CEP89: variants seen among roughly 807,000 people sequenced by gnomAD.
CEP89 encodes centrosomal protein of 89 kDa.
Under a neutral mutation model 97.6 loss-of-function variants are expected in CEP89, and 95 were observed. The ratio of observed to expected loss-of-function variants is 0.97; its 90% confidence interval spans 0.82 to 1.15. The LOEUF (loss-of-function observed/expected upper bound fraction) is 1.15. Among genes scored for constraint, CEP89 ranks in the 50% most tolerant of loss-of-function variants. CEP89 has a pLI of 0.00. For synonymous variants in CEP89, 354 were observed against 349.1 expected, an observed-to-expected ratio of 1.01 and a Z score of -0.16; for missense variants, 869 against 947.7, an observed-to-expected ratio of 0.92 and a Z score of 1.09.
intron 15 of CEP89, 38 bp downstream of exon 15, chr19:32,901,207 G>A: frequency 6.3e-7 from 1 of 1,595,126 alleles, no homozygotes; most frequent in South Asian, 1.1e-5. Flanking sequence ...TTTAACTATT[G>A]AAAATAAAAG....
chr19:32,939,345 T>C (rs1405115990), intron 6 of CEP89, among the ~76,000 whole-genome samples: 1 of 152,158 alleles, frequency 6.6e-6, no homozygotes. Flanking sequence ...ATTACTTTCA[T>C]CATTAAACTA....
intron 8 of CEP89, among the ~76,000 whole-genome samples, chr19:32,932,120 G>A (rs867709269): frequency 1.3e-5 from 2 of 151,312 alleles, no homozygotes; most frequent in South Asian, 2.1e-4. Flanking sequence ...GGTGGAGCTC[G>A]CAGTGAGCCG....
intron 5 of CEP89, among the ~76,000 whole-genome samples, chr19:32,943,441 C>T (rs1239037031): frequency 6.6e-6 from 1 of 152,172 alleles, no homozygotes; most frequent in African/African-American, 2.4e-5. Flanking sequence ...CCATGGTTAT[C>T]AACTGGGTAT....
At position 32,923,339 on chromosome 19, in the gene CEP89, T is replaced by C. The variant is rs1020632390; in HGVS notation, c.1268+100A>G. The C allele has an allele frequency of 1.0e-4, 60 of 583,626 alleles. 2 individuals are homozygous for C. The South Asian group carries it at 1.6e-3, about 16-fold the overall frequency. The allele number at this position is 583,626 out of a possible 1,614,324, so 36.2% of individuals were successfully genotyped here. A position where few individuals can be genotyped will look rare whatever the true frequency, so the allele number is the denominator to read the frequency against. The stretch of plus-strand genomic sequence containing the variant: ...TTAGAAACTCTCCCGTAAAATATTT[T>C]AGTTAAGAATGTAATTATGTATTTG... On this transcript the variant is annotated intron_variant, in intron 12 of 18. Coordinates refer to ENST00000305768, the MANE Select transcript of CEP89 (RefSeq NM_032816.5).
chr19:32,927,971 AGTG>A (rs1970397824), intron 9 of CEP89, among the ~76,000 whole-genome samples: 1 of 141,128 alleles, frequency 7.1e-6, no homozygotes, highest in Admixed American at 7.6e-5. Context: ...GCTGGAGTAC[AGTG>A]GTATGATCTC....
At chr19:32,961,414 C>CAA (rs5827831) in intron 2 of CEP89, among the ~76,000 whole-genome samples, 58 of 133,980 alleles carry the variant, frequency 4.3e-4, no homozygotes, top group East Asian at 8.7e-4. Flanking sequence ...ACCAAAAATA[C>CAA]AAAAAAAAAA....
chr19:32,915,578 G>T (rs7260149), intron 13 of CEP89, 61 bp from the exon 14 acceptor site: 1,235,601 of 1,415,310 alleles, frequency 0.87, 540,514 homozygotes, highest in African/African-American at 0.98. Context: ...ACACAATTAT[G>T]GGCTATTAGG....
intron 2 of CEP89, chr19:32,963,414 G>A (rs1239332537): frequency 6.6e-6 from 1 of 152,058 alleles, no homozygotes. Flanking sequence ...TGAAATACTA[G>A]TACACGCTCA....
intron 16 of CEP89, among the ~76,000 whole-genome samples, chr19:32,892,091 A>AATATAT (rs143314876): frequency 7.2e-6 from 1 of 139,084 alleles, no homozygotes; most frequent in Non-Finnish European, 1.5e-5. Flanking sequence ...CAGAATTCTA[A>AATATAT]ATATATATAT....
At chr19:32,919,953 G>C (rs1339374572) in intron 12 of CEP89, among the ~76,000 whole-genome samples, 2 of 151,900 alleles carry the variant, frequency 1.3e-5, no homozygotes, top group South Asian at 2.1e-4. Context: ...GCCGCATTTT[G>C]GACTAATTTA....
intron 3 of CEP89, among the ~76,000 whole-genome samples, chr19:32,955,192 G>C (rs533588860): frequency 1.3e-5 from 2 of 151,796 alleles, no homozygotes; most frequent in Non-Finnish European, 2.9e-5. Flanking sequence ...AGTAGAGAAG[G>C]GGTTTCACCA....
intron 12 of CEP89, among the ~76,000 whole-genome samples, chr19:32,919,435 G>C (rs1473587455): frequency 1.3e-5 from 2 of 152,206 alleles, no homozygotes; most frequent in African/African-American, 4.8e-5. Context: ...CTACAGGTGA[G>C]GAGGAGGAAG....
intron 14 of CEP89, among the ~76,000 whole-genome samples, chr19:32,905,993 C>G (rs542541895): frequency 6.6e-6 from 1 of 152,324 alleles, no homozygotes; most frequent in East Asian, 1.9e-4. Context: ...TTTACCTTAA[C>G]ATCTACCTTG....
intron 3 of CEP89, among the ~76,000 whole-genome samples, chr19:32,957,687 G>GC (rs1971077546): frequency 6.6e-6 from 1 of 152,096 alleles, no homozygotes; most frequent in East Asian, 1.9e-4. Flanking sequence ...GCGCACAACT[G>GC]TAGTCCCAGC....
chr19:32,961,028 G>A (rs1041730719), intron 2 of CEP89, among the ~76,000 whole-genome samples: 14 of 152,112 alleles, frequency 9.2e-5, no homozygotes, highest in Admixed American at 5.9e-4. Flanking sequence ...TAGTTTCAGC[G>A]GGATACAGTG....
intron 7 of CEP89, among the ~76,000 whole-genome samples, chr19:32,935,547 C>T (rs774580369): frequency 3.3e-5 from 5 of 152,194 alleles, no homozygotes; most frequent in African/African-American, 4.8e-5. Context: ...GAATGCATGG[C>T]GCAGAAGTTG....
intron 16 of CEP89, among the ~76,000 whole-genome samples, chr19:32,894,919 T>C (rs948626850): frequency 6.6e-6 from 1 of 152,294 alleles, no homozygotes; most frequent in Admixed American, 6.5e-5. Context: ...ACTACCAAGA[T>C]TGAATTAGGA....
intron 17 of CEP89, among the ~76,000 whole-genome samples, chr19:32,884,844 C>T (rs55982786): frequency 0.049 from 7,385 of 152,040 alleles, 237 homozygotes; most frequent in South Asian, 0.15. Context: ...ATTATAGGCA[C>T]GTGCCACTCT....
chr19:32,924,874 TC>T (rs1453261195), intron 11 of CEP89, among the ~76,000 whole-genome samples: 1 of 152,184 alleles, frequency 6.6e-6, no homozygotes, highest in African/African-American at 2.4e-5. Context: ...CTGCATGGCC[TC>T]CAAAGCCTAA....
Sources: gnomAD v4.1 joint callset for allele counts (sites outside exome capture counted in the v4.1 genomes callset) on GRCh38, gnomAD v4.1.1 for gene constraint, MANE v1.5 for transcripts, NCBI Gene and HGNC (gene_info 2026-07-23, HGNC 2026-07-21) for gene names.